EPHA7: variants seen among roughly 807,000 people sequenced by gnomAD.
EPHA7 encodes ephrin type-A receptor 7.
A neutral mutation model predicts 112.6 loss-of-function variants in EPHA7; 25 were observed. The observed-to-expected ratio is 0.22, with a 90% CI of 0.16 to 0.31. EPHA7 has a LOEUF of 0.31. EPHA7 is among the 10% of genes least tolerant of loss of function. EPHA7 has a pLI of 1.00. For missense variants in EPHA7, 962 were observed against 1,212.6 expected, an observed-to-expected ratio of 0.79 and a Z score of 3.07; for synonymous variants, 437 against 406.5, an observed-to-expected ratio of 1.07 and a Z score of -0.90.
At chr6:93,346,906 T>C (rs1252896222) in intron 5 of EPHA7, among the ~76,000 whole-genome samples, 1 of 151,848 alleles carries the variant, frequency 6.6e-6, no homozygotes, top group African/African-American at 2.4e-5. Flanking sequence ...ATTATTTTAG[T>C]AGATGAATAT....
chr6:93,318,217 G>A (rs1398849007), intron 5 of EPHA7, among the ~76,000 whole-genome samples: 1 of 152,166 alleles, frequency 6.6e-6, no homozygotes, highest in Non-Finnish European at 1.5e-5. Context: ...AAAAGTGTTA[G>A]TTTCCTTCTC....
chr6:93,398,386 T>C (rs1225975760), intron 3 of EPHA7, among the ~76,000 whole-genome samples: 1 of 152,006 alleles, frequency 6.6e-6, no homozygotes, highest in Admixed American at 6.6e-5. Flanking sequence ...ACCTTCAGCA[T>C]TGATCAAAGT....
chr6:93,283,380 G>A (rs1305108201), intron 5 of EPHA7, among the ~76,000 whole-genome samples: 3 of 152,106 alleles, frequency 2.0e-5, no homozygotes, highest in African/African-American at 7.2e-5. Context: ...AATAAAAGCA[G>A]GCTGCCCGAG....
intron 5 of EPHA7, among the ~76,000 whole-genome samples, chr6:93,293,632 C>T (rs1772499076): frequency 6.6e-6 from 1 of 152,118 alleles, no homozygotes; most frequent in Non-Finnish European, 1.5e-5. Flanking sequence ...GTGACAATAT[C>T]AACTCCCAAG....
intron 3 of EPHA7, among the ~76,000 whole-genome samples, chr6:93,385,011 T>C (rs1188399076): frequency 1.3e-5 from 2 of 152,168 alleles, no homozygotes; most frequent in African/African-American, 2.4e-5. Flanking sequence ...TAATATGCCA[T>C]TGAAGAAGAT....
At chr6:93,319,971 T>C (rs1283606863) in intron 5 of EPHA7, among the ~76,000 whole-genome samples, 2 of 152,082 alleles carry the variant, frequency 1.3e-5, no homozygotes, top group Non-Finnish European at 2.9e-5. Context: ...TATTCTATGC[T>C]GAGGCTCCCT....
At chr6:93,247,614 T>TG (rs1448628859) in intron 14 of EPHA7, among the ~76,000 whole-genome samples, 1 of 152,034 alleles carries the variant, frequency 6.6e-6, no homozygotes, top group Non-Finnish European at 1.5e-5. Context: ...GAAATCAGCG[T>TG]GGGGGAAGGG....
intron 5 of EPHA7, among the ~76,000 whole-genome samples, chr6:93,326,229 A>G (rs148595055): frequency 1.1e-4 from 16 of 151,512 alleles, no homozygotes; most frequent in African/African-American, 3.6e-4. Flanking sequence ...TGTTCATGTC[A>G]CCACTGAATA....
chr6:93,389,645 G>A (rs982786597), intron 3 of EPHA7, among the ~76,000 whole-genome samples: 6 of 151,886 alleles, frequency 4.0e-5, no homozygotes, highest in Non-Finnish European at 7.4e-5. Context: ...TAGAACAAAC[G>A]TTGGAATAAA....
At chr6:93,404,144 T>C (rs916559371) in intron 3 of EPHA7, among the ~76,000 whole-genome samples, 5 of 152,022 alleles carry the variant, frequency 3.3e-5, no homozygotes, top group African/African-American at 7.2e-5. Context: ...TTTTTCTAGG[T>C]AATTAGAAGC....
chr6:93,345,487 G>A (rs776557183), intron 5 of EPHA7, among the ~76,000 whole-genome samples: 19 of 151,630 alleles, frequency 1.3e-4, no homozygotes, highest in Non-Finnish European at 2.7e-4. Flanking sequence ...TACATCATCT[G>A]CTCTGCCTTG....
rs1228787025 is a variant in EPHA7 at position 93,269,502 on chromosome 6, C to T, written c.1608G>A (p.Glu536=). The stretch of plus-strand genomic sequence containing the variant: ...CTTCAAACATTTTACCTGTAGCTTC[C>T]TCTAGTGTAGCAACATCAAGTCTGG... The part of the protein sequence containing the change: ...YSPRLDVATL[E]EATGKMFEAT... Residue 536 remains glutamate (E), a synonymous_variant, in exon 7 of 17, where the codon GAG becomes GAA. Transcript: ENST00000369303. 2 of 1,610,894 alleles carry T rather than the reference C, an allele frequency of 1.2e-6. No individual in the cohort carries two copies. Among genetic ancestry groups the T allele is most frequent in the South Asian group, 2.2e-5 (2 of 90,998 alleles).
rs1342369853 is a variant in EPHA7, at chr6:93,351,227, A to C, written c.1324+5490T>G. ...AGACGTATAAAACTGTCACCTAGGG[A>C]CAACCTGAGGGTTCATTACAGGTAG... is the stretch of plus-strand genomic sequence containing the variant. On this transcript the variant is annotated intron_variant, in intron 5 of 16. Coordinates refer to ENST00000369303, the MANE Select transcript of EPHA7 (RefSeq NM_004440.4). Among the ~76,000 whole-genome samples the C allele has an allele frequency of 2.0e-5, 3 of 152,150 alleles. No individual in the cohort carries two copies. In the East Asian group the frequency reaches 5.8e-4, roughly 30 times the overall value.
chr6:93,244,492 C>T (rs934612692), intron 16 of EPHA7, among the ~76,000 whole-genome samples: 4 of 152,100 alleles, frequency 2.6e-5, no homozygotes, highest in Non-Finnish European at 5.9e-5. Context: ...CATTTTCAAG[C>T]ACATTGACTG....
At chr6:93,263,996 C>T (rs1410135604) in intron 8 of EPHA7, 81 bp from the exon 9 acceptor site, 3 of 970,020 alleles carry the variant, frequency 3.1e-6, no homozygotes, top group Non-Finnish European at 4.7e-6. Context: ...CTTAGTTACT[C>T]AACAACTTAC....
At chr6:93,268,478 T>G (rs903213196) in intron 7 of EPHA7, among the ~76,000 whole-genome samples, 1 of 151,810 alleles carries the variant, frequency 6.6e-6, no homozygotes, top group Non-Finnish European at 1.5e-5. Flanking sequence ...TTAAATATTT[T>G]TAATTGAGAA....
At chr6:93,349,145 C>A (rs573787435) in intron 5 of EPHA7, among the ~76,000 whole-genome samples, 27 of 151,750 alleles carry the variant, frequency 1.8e-4, no homozygotes, top group Non-Finnish European at 3.2e-4. Context: ...TAGTATGTTA[C>A]CTAATTAAAA....
intron 7 of EPHA7, among the ~76,000 whole-genome samples, chr6:93,265,238 G>A (rs973565873): frequency 2.6e-5 from 4 of 151,590 alleles, no homozygotes; most frequent in African/African-American, 4.8e-5. Flanking sequence ...GGAAAAAGAT[G>A]AGCCACATTG....
intron 5 of EPHA7, among the ~76,000 whole-genome samples, chr6:93,337,148 A>G (rs1366717857): frequency 1.3e-5 from 2 of 152,178 alleles, no homozygotes; most frequent in Non-Finnish European, 2.9e-5. Context: ...TCCGCAATTC[A>G]AAGTTCCACT....
Sources: allele counts gnomAD v4.1 joint callset (sites outside exome capture counted in the v4.1 genomes callset), GRCh38; gene constraint gnomAD v4.1.1; transcripts MANE v1.5; gene names NCBI Gene and HGNC (gene_info 2026-07-23, HGNC 2026-07-21).